Variants in ZFP41 observed in about 807,000 individuals in gnomAD.
ZFP41 encodes the protein zinc finger protein 41 homolog.
A neutral mutation model predicts 11.6 loss-of-function variants in ZFP41; 10 were observed. The ratio of observed to expected loss-of-function variants is 0.86; its 90% CI spans 0.53 to 1.47. ZFP41 has a LOEUF of 1.47. ZFP41 is among the 40% of genes most tolerant of loss of function. The pLI is 0.00. For synonymous variants in ZFP41, 123 were observed against 100.9 expected, an observed-to-expected ratio of 1.22 and a Z score of -1.31; for missense variants, 302 against 264.6, an observed-to-expected ratio of 1.14 and a Z score of -0.98.
chr8:143,254,160 G>C (rs1399370455), intron 2 of ZFP41, among the ~76,000 whole-genome samples: 1 of 152,148 alleles, frequency 6.6e-6, no homozygotes, highest in Non-Finnish European at 1.5e-5. Context: ...AAAGAGCCTG[G>C]TGCCTCCTCC....
Position 143,250,550 on chromosome 8 carries a change from T to C in ZFP41, c.*110T>C. Reference sequence around the variant, plus strand: ...TGGGGGCGCAGGGCCGTGCGCACTGTGTTCCGTGCCCTGGGGACCCCCGGA... The same window carrying C: ...TGGGGGCGCAGGGCCGTGCGCACTGCGTTCCGTGCCCTGGGGACCCCCGGA... On this transcript the variant is annotated 3_prime_UTR_variant, in exon 2 of 3. Transcript: ENST00000330701. 1.1e-5 allele frequency: 17 copies of C among 1,502,744 alleles called. No homozygotes were observed. Among genetic ancestry groups the C allele is most frequent in the Non-Finnish European group, 1.4e-5 (16 of 1,125,364 alleles). The allele number at this position is 1,502,744 out of a possible 1,614,324, so 93.1% of individuals were successfully genotyped here. A position where few individuals can be genotyped will look rare whatever the true frequency, so the allele number is the denominator to read the frequency against.
chr8:143,258,782 C>G (rs1312979369), intron 2 of ZFP41, among the ~76,000 whole-genome samples: 1 of 152,160 alleles, frequency 6.6e-6, no homozygotes, highest in Non-Finnish European at 1.5e-5. Context: ...TGAAAACATG[C>G]TCAATCTCTT....
At chr8:143,248,460 A>C (rs954517777) in intron 1 of ZFP41, 1 of 151,578 alleles carries the variant, frequency 6.6e-6, no homozygotes, top group Non-Finnish European at 1.5e-5. Flanking sequence ...TTCACAAACC[A>C]CCCCCCGCCC....
At chr8:143,259,381 C>T (rs889098264) in intron 2 of ZFP41, among the ~76,000 whole-genome samples, 8 of 152,236 alleles carry the variant, frequency 5.3e-5, no homozygotes, top group East Asian at 1.9e-4. Flanking sequence ...GCACAGGGCA[C>T]GGGCCCCTGG....
chr8:143,260,873 C>T lies in ZFP41; in HGVS notation c.*1999C>T, dbSNP rs1477342013. ...CTGTAGGCCTCAGAGTGCAGAGAAC[C>T]TCAAATGTTGTGACTTTGCTCTGCT... On this transcript the variant is annotated 3_prime_UTR_variant, in exon 3 of 3. Coordinates refer to ENST00000330701, the MANE Select transcript of ZFP41 (RefSeq NM_173832.6). 3.1e-5 allele frequency: 5 copies of T among 163,788 alleles called. No individual in the cohort carries two copies. Among genetic ancestry groups the T allele is most frequent in the African/African-American group, 1.2e-4 (5 of 41,550 alleles). The allele number at this position is 163,788 out of a possible 1,614,324, so 10.1% of individuals were successfully genotyped here. A position where few individuals can be genotyped will look rare whatever the true frequency, so the allele number is the denominator to read the frequency against.
chr8:143,250,498 C>T lies in ZFP41; in HGVS notation c.*58C>T, dbSNP rs947141909. 9 of 1,568,082 alleles carry T rather than the reference C, an allele frequency of 5.7e-6. No homozygotes were observed. The highest frequency in any genetic ancestry group is 4.1e-5 in the African/African-American group (3 of 73,764). On this transcript the variant is annotated 3_prime_UTR_variant, in exon 2 of 3. Transcript: ENST00000330701. ...TGCGAGCCTCGCCGGACACCTGCTC[C>T]GTGGCTCCCTCGTGTCCCGCGTCTG...
At chr8:143,254,387 G>T (rs1814856136) in intron 2 of ZFP41, among the ~76,000 whole-genome samples, 1 of 152,178 alleles carries the variant, frequency 6.6e-6, no homozygotes, top group Admixed American at 6.5e-5. Flanking sequence ...GGAAGAGCCG[G>T]CGTCAGGAGT....
At chr8:143,255,240 G>A (rs1255634150) in intron 2 of ZFP41, among the ~76,000 whole-genome samples, 1 of 152,202 alleles carries the variant, frequency 6.6e-6, no homozygotes, top group Non-Finnish European at 1.5e-5. Context: ...CCTCACTCTG[G>A]AACTGTGGGG....
Position 143,250,532 on chromosome 8 carries a change from G to C in ZFP41, c.*92G>C. 1 of 1,532,480 alleles carries C rather than the reference G, an allele frequency of 6.5e-7. No individual in the cohort carries two copies. Among genetic ancestry groups the C allele is most frequent in the Non-Finnish European group, 8.8e-7 (1 of 1,139,994 alleles). The allele number at this position is 1,532,480 out of a possible 1,614,324, so 94.9% of individuals were successfully genotyped here. ...CTCGTGTCCCGCGTCTGATGGGGGC[G>C]CAGGGCCGTGCGCACTGTGTTCCGT... On this transcript the variant is annotated 3_prime_UTR_variant, in exon 2 of 3. Transcript: ENST00000330701.
intron 2 of ZFP41, among the ~76,000 whole-genome samples, chr8:143,251,709 T>A (rs1201757445): frequency 6.6e-6 from 1 of 152,230 alleles, no homozygotes; most frequent in Non-Finnish European, 1.5e-5. Context: ...CAGTCCTGTC[T>A]GGGTGGAAAC....
At chr8:143,255,003 G>A (rs1254193452) in intron 2 of ZFP41, among the ~76,000 whole-genome samples, 2 of 152,142 alleles carry the variant, frequency 1.3e-5, no homozygotes, top group African/African-American at 2.4e-5. Flanking sequence ...GGGCCAATAG[G>A]ACGGATTCCC....
chr8:143,258,674 A>C (rs1814968521), intron 2 of ZFP41, among the ~76,000 whole-genome samples: 1 of 152,268 alleles, frequency 6.6e-6, no homozygotes, highest in African/African-American at 2.4e-5. Flanking sequence ...ACAGGAGTTC[A>C]AGACCAGCCT....
At chr8:143,259,720 C>T (rs1814993567) in intron 2 of ZFP41, 55 bp from the exon 3 acceptor site, 1 of 152,044 alleles carries the variant, frequency 6.6e-6, no homozygotes, top group Non-Finnish European at 1.5e-5. Context: ...AACAGAGGAA[C>T]CGGGTAATCA....
rs1814724338 is a variant in ZFP41, at chr8:143,250,733, A to T, written c.*293A>T. ...AAGTTCCCGATGGCGAACGGGGCTC[A>T]GCACCAGAGACCAGGGAGTATTCAC... is the stretch of plus-strand genomic sequence containing the variant. On this transcript the variant is annotated 3_prime_UTR_variant, in exon 2 of 3. Transcript: ENST00000330701. 2.0e-6 allele frequency: 1 copy of T among 487,994 alleles called. No homozygotes were observed. Among genetic ancestry groups the T allele is most frequent in the Admixed American group, 3.4e-5 (1 of 29,036 alleles). The allele number at this position is 487,994 out of a possible 1,614,324, so 30.2% of individuals were successfully genotyped here.
At chr8:143,248,738 C>G (rs1433580650) in intron 1 of ZFP41, among the ~76,000 whole-genome samples, 5 of 152,228 alleles carry the variant, frequency 3.3e-5, no homozygotes, top group Non-Finnish European at 7.3e-5. Flanking sequence ...TGCATCCTCC[C>G]TCAGCACACG....
chr8:143,255,431 G>A (rs1249718915), intron 2 of ZFP41, among the ~76,000 whole-genome samples: 8 of 151,686 alleles, frequency 5.3e-5, no homozygotes, highest in East Asian at 1.9e-4. Flanking sequence ...CTCGCCCCGC[G>A]TGCTGGTGTT....
chr8:143,252,585 C>T (rs1814798153), intron 2 of ZFP41: 1 of 974,762 alleles, frequency 1.0e-6, no homozygotes, highest in Non-Finnish European at 1.2e-6. Flanking sequence ...CCTGCCGCCT[C>T]AGTCGCTGCT....
At chr8:143,252,715 T>C (rs1224783932) in intron 2 of ZFP41, 1 of 849,172 alleles carries the variant, frequency 1.2e-6, no homozygotes, top group East Asian at 1.2e-4. Context: ...CTATTGGGCG[T>C]GTGCTGGGGA....
Position 143,249,894 on chromosome 8 carries a change from G to C in ZFP41, c.51G>C (p.Glu17Asp). The change falls in exon 2 of 3, where the codon GAG becomes GAC. Residue 17 changes from glutamate to aspartate, a missense_variant. Coordinates refer to ENST00000330701, the MANE Select transcript of ZFP41 (RefSeq NM_173832.6). ...RKKKTPTPRE[E>D]ADVQKSALRE... ...AGAAGACGCCGACCCCAAGGGAGGA[G>C]GCAGACGTGCAGAAGAGTGCGCTCA... 6.2e-7 allele frequency: 1 copy of C among 1,612,572 alleles called. No individual in the cohort carries two copies.
Sources: allele counts gnomAD v4.1 joint callset (sites outside exome capture counted in the v4.1 genomes callset), GRCh38; gene constraint gnomAD v4.1.1; transcripts MANE v1.5; gene names NCBI Gene and HGNC (gene_info 2026-07-23, HGNC 2026-07-21).